The following MAST4 variants were observed in gnomAD, a reference collection of about 807,000 sequenced individuals.
MAST4 encodes microtubule associated serine/threonine kinase family member 4, also known as microtubule-associated serine/threonine-protein kinase 4.
A neutral mutation model predicts 162.7 loss-of-function variants in MAST4; 89 were observed. The ratio of observed to expected loss-of-function variants is 0.55; its 90% CI spans 0.46 to 0.65. MAST4 has a LOEUF of 0.65. Ranked by LOEUF, MAST4 falls within the 30% of genes least tolerant of loss-of-function variation. MAST4 has a pLI of 0.00. For synonymous variants in MAST4, 1,479 were observed against 1,361.1 expected, an observed-to-expected ratio of 1.09 and a Z score of -1.91; for missense variants, 3,153 against 3,374.0, an observed-to-expected ratio of 0.93 and a Z score of 1.62.
intron 4 of MAST4, among the ~76,000 whole-genome samples, chr5:66,919,660 GAAAAA>G: frequency 1.0e-5 from 1 of 96,896 alleles, no homozygotes; most frequent in Admixed American, 1.2e-4. Context: ...CTCCGTCACA[GAAAAA>G]AAAAAAAAAA....
At chr5:66,643,080 C>T (rs577221238) in intron 1 of MAST4, among the ~76,000 whole-genome samples, 5 of 152,232 alleles carry the variant, frequency 3.3e-5, no homozygotes, top group South Asian at 2.1e-4. Context: ...ATGGCTGACA[C>T]GCTCAGATCT....
chr5:66,857,238 T>C (rs1759754886), intron 3 of MAST4, among the ~76,000 whole-genome samples: 1 of 152,232 alleles, frequency 6.6e-6, no homozygotes, highest in South Asian at 2.1e-4. Context: ...GTTCATTCAT[T>C]TTAAGTGCTG....
At chr5:67,042,552 G>A (rs1316300352) in intron 4 of MAST4, among the ~76,000 whole-genome samples, 1 of 151,810 alleles carries the variant, frequency 6.6e-6, no homozygotes, top group Admixed American at 6.6e-5. Context: ...TTTCACCAAG[G>A]TGGGCTATTC....
intron 1 of MAST4, among the ~76,000 whole-genome samples, chr5:66,728,930 G>C (rs1751680374): frequency 6.6e-6 from 1 of 152,182 alleles, no homozygotes; most frequent in African/African-American, 2.4e-5. Context: ...ACCCTGAGGG[G>C]AGGAAGGAGA....
At chr5:67,112,029 T>G (rs1029074343) in intron 11 of MAST4, among the ~76,000 whole-genome samples, 4 of 151,948 alleles carry the variant, frequency 2.6e-5, no homozygotes, top group Non-Finnish European at 5.9e-5. Context: ...GGTTTGACTT[T>G]ACTCCACTTG....
intron 4 of MAST4, among the ~76,000 whole-genome samples, chr5:66,985,036 A>C: frequency 6.6e-6 from 1 of 152,212 alleles, no homozygotes; most frequent in East Asian, 1.9e-4. Context: ...GTACAGGGCC[A>C]GGGGACTGGA....
chr5:66,740,545 C>T (rs953587119), intron 1 of MAST4, among the ~76,000 whole-genome samples: 3 of 152,284 alleles, frequency 2.0e-5, no homozygotes, highest in South Asian at 2.1e-4. Flanking sequence ...ATGTTTGTTC[C>T]GTTTCTCCTT....
At chr5:66,640,795 G>T (rs1201726879) in intron 1 of MAST4, among the ~76,000 whole-genome samples, 2 of 152,118 alleles carry the variant, frequency 1.3e-5, no homozygotes, top group Non-Finnish European at 1.5e-5. Context: ...TTAATTTTTT[G>T]AGGAACTCTC....
At chr5:67,026,792 A>G (rs968227492) in intron 4 of MAST4, among the ~76,000 whole-genome samples, 7 of 152,118 alleles carry the variant, frequency 4.6e-5, no homozygotes, top group Admixed American at 1.3e-4. Context: ...GGAAAAAACA[A>G]TTCATTTTTT....
At chr5:66,947,114 A>G (rs565880723) in intron 4 of MAST4, among the ~76,000 whole-genome samples, 1 of 152,302 alleles carries the variant, frequency 6.6e-6, no homozygotes, top group South Asian at 2.1e-4. Flanking sequence ...GGGACAGTCA[A>G]TGTGAGAGTA....
At chr5:66,712,994 G>A (rs1347018090) in intron 1 of MAST4, among the ~76,000 whole-genome samples, 2 of 152,166 alleles carry the variant, frequency 1.3e-5, no homozygotes, top group Admixed American at 6.5e-5. Context: ...ATCCAAAAAT[G>A]TTTGTCCCTG....
At chr5:66,898,983 T>C (rs941905687) in intron 3 of MAST4, among the ~76,000 whole-genome samples, 1 of 152,150 alleles carries the variant, frequency 6.6e-6, no homozygotes, top group Non-Finnish European at 1.5e-5. Context: ...TTGAAGCTGA[T>C]GGGGAAATAC....
intron 3 of MAST4, among the ~76,000 whole-genome samples, chr5:66,827,465 C>T (rs377204589): frequency 1.4e-4 from 22 of 152,272 alleles, no homozygotes; most frequent in African/African-American, 5.1e-4. Context: ...AATCAATTTT[C>T]CTCAGTGGTT....
At chr5:66,615,610 T>C (rs530578168) in intron 1 of MAST4, among the ~76,000 whole-genome samples, 4 of 150,512 alleles carry the variant, frequency 2.7e-5, no homozygotes, top group African/African-American at 9.8e-5. Context: ...AGGCCAGGAG[T>C]TCAAGACCAG....
chr5:66,744,169 A>G (rs1752622858), intron 1 of MAST4, among the ~76,000 whole-genome samples: 1 of 152,114 alleles, frequency 6.6e-6, no homozygotes, highest in Non-Finnish European at 1.5e-5. Flanking sequence ...TCCCCCAGAG[A>G]CATCTCACCC....
At chr5:66,798,583 G>C (rs1165802968) in intron 3 of MAST4, among the ~76,000 whole-genome samples, 1 of 152,182 alleles carries the variant, frequency 6.6e-6, no homozygotes, top group Non-Finnish European at 1.5e-5. Context: ...GTATGTTCTA[G>C]ACAGTCTAAG....
chr5:67,131,287 T>G (rs901612171), intron 15 of MAST4, among the ~76,000 whole-genome samples: 2 of 152,190 alleles, frequency 1.3e-5, no homozygotes, highest in African/African-American at 4.8e-5. Context: ...TTACTAACAT[T>G]TATCACACAT....
chr5:67,064,882 T>C (rs970674261), intron 5 of MAST4, among the ~76,000 whole-genome samples: 2 of 152,234 alleles, frequency 1.3e-5, no homozygotes, highest in African/African-American at 4.8e-5. Context: ...TTCTTGAAGT[T>C]ACTGAGATAG....
At chr5:66,807,566 A>G (rs1756258207) in intron 3 of MAST4, among the ~76,000 whole-genome samples, 1 of 151,554 alleles carries the variant, frequency 6.6e-6, no homozygotes, top group Non-Finnish European at 1.5e-5. Flanking sequence ...GTGCTTTCAT[A>G]TAGTAGGTCT....
Sources: allele counts gnomAD v4.1 joint callset (sites outside exome capture counted in the v4.1 genomes callset), GRCh38; gene constraint gnomAD v4.1.1; transcripts MANE v1.5; gene names NCBI Gene and HGNC (gene_info 2026-07-23, HGNC 2026-07-21).